Variants in KAZN observed in about 807,000 individuals in gnomAD.
KAZN encodes the protein kazrin, periplakin interacting protein.
A neutral mutation model predicts 87.4 loss-of-function variants in KAZN; 40 were observed. That is an observed-to-expected ratio of 0.46 (90% CI 0.36 to 0.60). The LOEUF is 0.60. KAZN is among the 20% of genes least tolerant of loss of function. The probability of loss-of-function intolerance (pLI) is 0.00; values close to 1 mark genes in which losing one functional copy is unlikely to be tolerated. For missense variants in KAZN, 898 were observed against 1,073.9 expected (o/e 0.84, Z 2.29); for synonymous variants, 466 against 458.3 (o/e 1.02, Z -0.22).
chr1:14,851,909 G>A (rs376267001), intron 1 of KAZN, among the ~76,000 whole-genome samples: 26 of 152,304 alleles, frequency 1.7e-4, no homozygotes, highest in Middle Eastern at 3.4e-3. Context: ...CAGCTCACCC[G>A]GAATCCTCAG....
intron 1 of KAZN, among the ~76,000 whole-genome samples, chr1:14,028,448 C>T (rs1237723074): frequency 2.6e-5 from 4 of 152,152 alleles, no homozygotes; most frequent in African/African-American, 4.8e-5. Flanking sequence ...GCCAGCCAGC[C>T]GGATGTTAAC....
In KAZN at chr1:14,221,471, A is replaced by G. The variant is rs866604892; in HGVS notation, c.249+40879A>G. Among the ~76,000 whole-genome samples the G allele has an allele frequency of 9.8e-5, 15 of 152,320 alleles. No homozygotes were observed. The South Asian group carries it at 1.0e-3, about 11-fold the overall frequency. On this transcript the variant is annotated intron_variant, in intron 2 of 16. Coordinates refer to the KAZN transcript ENST00000636203. ...TTGTTTTCTTTGTCTTTTTCTTTCT[A>G]CATAGATAAGTTGCCTCCGAGAAGG...
intron 2 of KAZN, among the ~76,000 whole-genome samples, chr1:14,424,491 C>T (rs1444142715): frequency 6.6e-6 from 1 of 152,168 alleles, no homozygotes; most frequent in East Asian, 1.9e-4. Context: ...CAAGACTAAG[C>T]TCACCCACAC....
intron 1 of KAZN, among the ~76,000 whole-genome samples, chr1:13,932,258 A>ATATTTT (rs1312645754): frequency 4.6e-5 from 2 of 43,124 alleles, no homozygotes; most frequent in African/African-American, 1.6e-4. Context: ...CTTATTAAAC[A>ATATTTT]TTTTTTTTTT....
At chr1:14,861,009 G>C (rs993004643) in intron 1 of KAZN, among the ~76,000 whole-genome samples, 1 of 152,198 alleles carries the variant, frequency 6.6e-6, no homozygotes, top group Non-Finnish European at 1.5e-5. Flanking sequence ...AAGGGAAAGA[G>C]AGAAACCAAA....
chr1:14,876,328 C>T (rs1652765583), intron 1 of KAZN, among the ~76,000 whole-genome samples: 2 of 152,230 alleles, frequency 1.3e-5, no homozygotes, highest in South Asian at 4.1e-4. Flanking sequence ...GCCAGAATGA[C>T]ATTAGCGATA....
At chr1:13,945,425 G>A (rs1641099279) in intron 1 of KAZN, among the ~76,000 whole-genome samples, 1 of 146,846 alleles carries the variant, frequency 6.8e-6, no homozygotes, top group Admixed American at 7.0e-5. Flanking sequence ...AGTGAGCTGA[G>A]ATGGCACCAC....
intron 2 of KAZN, among the ~76,000 whole-genome samples, chr1:14,228,742 A>G (rs1647526349): frequency 6.6e-6 from 1 of 152,250 alleles, no homozygotes; most frequent in Non-Finnish European, 1.5e-5. Flanking sequence ...AAAAGGAAGA[A>G]GGTGGAGCCT....
chr1:14,255,119 C>CA (rs71570191), intron 2 of KAZN, among the ~76,000 whole-genome samples: 21,103 of 83,480 alleles, frequency 0.25, 2,733 homozygotes, highest in Middle Eastern at 0.35. Context: ...GACTCTGTCT[C>CA]AAAAAAAAAA....
At chr1:14,017,454 A>G (rs76769913) in intron 1 of KAZN, among the ~76,000 whole-genome samples, 1,574 of 152,320 alleles carry the variant, frequency 0.01, 32 homozygotes, top group African/African-American at 0.036. Context: ...TATATTCCAG[A>G]CACGTGCATT....
At chr1:14,514,615 A>AATTT (rs1379893951) in intron 2 of KAZN, among the ~76,000 whole-genome samples, 1 of 32,776 alleles carries the variant, frequency 3.1e-5, no homozygotes, top group Non-Finnish European at 6.6e-5. Flanking sequence ...ATATATATAT[A>AATTT]TATATATATA....
chr1:14,953,058 A>C (rs977865327), intron 1 of KAZN, among the ~76,000 whole-genome samples: 2 of 151,724 alleles, frequency 1.3e-5, no homozygotes, highest in Admixed American at 1.3e-4. Context: ...TGCCCGCCTC[A>C]GAACTGCACT....
At chr1:14,803,051 T>A (rs1332519061) in intron 1 of KAZN, among the ~76,000 whole-genome samples, 1 of 152,208 alleles carries the variant, frequency 6.6e-6, no homozygotes, top group Non-Finnish European at 1.5e-5. Context: ...ACATTATGTA[T>A]GCAAATGTGA....
At chr1:14,568,696 C>G (rs1674681385) in intron 2 of KAZN, among the ~76,000 whole-genome samples, 1 of 152,182 alleles carries the variant, frequency 6.6e-6, no homozygotes, top group Non-Finnish European at 1.5e-5. Context: ...ACCATATCAA[C>G]AGCCAACTCA....
chr1:14,585,865 C>T (rs1235275764), intron 2 of KAZN, among the ~76,000 whole-genome samples: 1 of 152,222 alleles, frequency 6.6e-6, no homozygotes, highest in Non-Finnish European at 1.5e-5. Flanking sequence ...GGAAGATGGG[C>T]TTCTGCTGAT....
At chr1:14,120,565 G>A (rs946091401) in intron 1 of KAZN, among the ~76,000 whole-genome samples, 13 of 152,166 alleles carry the variant, frequency 8.5e-5, no homozygotes, top group Non-Finnish European at 1.8e-4. Context: ...GTAGATGCCC[G>A]TCTTCCTTCA....
intron 2 of KAZN, among the ~76,000 whole-genome samples, chr1:14,355,158 T>TA (rs2100956934): frequency 6.6e-6 from 1 of 152,274 alleles, no homozygotes; most frequent in African/African-American, 2.4e-5. Flanking sequence ...ATTACAGTGT[T>TA]AAAAATCAAG....
chr1:14,003,455 G>A (rs1267789701), intron 1 of KAZN, among the ~76,000 whole-genome samples: 2 of 151,658 alleles, frequency 1.3e-5, no homozygotes, highest in Non-Finnish European at 2.9e-5. Context: ...AGTGAAAATA[G>A]ATGAAGGACT....
intron 1 of KAZN, among the ~76,000 whole-genome samples, chr1:14,822,577 C>T (rs560130376): frequency 7.6e-4 from 115 of 152,294 alleles, no homozygotes; most frequent in African/African-American, 2.3e-3. Flanking sequence ...CGTGTCCTTC[C>T]GTCCCTGTGC....
Sources: gnomAD v4.1 joint callset for allele counts (sites outside exome capture counted in the v4.1 genomes callset) on GRCh38, gnomAD v4.1.1 for gene constraint, MANE v1.5 for transcripts, NCBI Gene and HGNC (gene_info 2026-07-23, HGNC 2026-07-21) for gene names.